ACIN1: variants seen among roughly 807,000 people sequenced by gnomAD.
ACIN1 encodes apoptotic chromatin condensation inducer 1, also known as apoptotic chromatin condensation inducer in the nucleus.
Under a neutral mutation model 146.6 loss-of-function variants are expected in ACIN1, and 16 were observed. The observed-to-expected ratio is 0.11, with a 90% CI of 0.07 to 0.17. The LOEUF (loss-of-function observed/expected upper bound fraction) is 0.17, where lower values mean the gene tolerates loss of function less well. Ranked by LOEUF, ACIN1 falls within the 10% of genes least tolerant of loss-of-function variation. The pLI is 1.00. For synonymous variants in ACIN1, 569 were observed against 582.7 expected (o/e 0.98, Z 0.34); for missense variants, 1,357 against 1,609.3 (o/e 0.84, Z 2.68).
chr14:23,061,269 G>C (rs767908253), intron 17 of ACIN1, 29 bp downstream of exon 17: 1 of 1,613,648 alleles, frequency 6.2e-7, no homozygotes, highest in Admixed American at 1.7e-5. Context: ...CTACTAGTGG[G>C]TATGCGTACC....
chr14:23,088,642 C>T (rs1486148069), intron 4 of ACIN1, among the ~76,000 whole-genome samples: 2 of 138,266 alleles, frequency 1.4e-5, no homozygotes, highest in Non-Finnish European at 3.2e-5. Flanking sequence ...TGGTGGATTC[C>T]GCATCCCCCT....
At chr14:23,089,071 C>T (rs10873083) in intron 4 of ACIN1, among the ~76,000 whole-genome samples, 61,040 of 151,940 alleles carry the variant, frequency 0.4, 12,263 homozygotes, top group Middle Eastern at 0.54. Context: ...GACACAGTCT[C>T]GCTCTATTGT....
chr14:23,060,009 G>A (rs1434715705), intron 18 of ACIN1, among the ~76,000 whole-genome samples: 2 of 143,956 alleles, frequency 1.4e-5, no homozygotes, highest in Non-Finnish European at 3.0e-5. Flanking sequence ...CCAGGCTGGA[G>A]TGCAGTGGTG....
rs931316036 is a variant in ACIN1, at chr14:23,069,010, C to T, written c.2265+466G>A. ...TGGCTTCTAAGTAGCTACATCTCTGCAGTCAGACCACTGGAGGGCAGAGGA... is the reference window on the plus strand; with the variant it reads ...TGGCTTCTAAGTAGCTACATCTCTGTAGTCAGACCACTGGAGGGCAGAGGA... On this transcript the variant is annotated intron_variant, in intron 9 of 18. Coordinates refer to ENST00000605057, the MANE Select transcript of ACIN1 (RefSeq NM_001386863.1). The T allele has an allele frequency of 8.1e-6, 8 of 985,912 alleles. No homozygotes were observed. In the African/African-American group the frequency reaches 1.2e-4, roughly 15 times the overall value. 61.1% of individuals were successfully genotyped at this position (985,912 alleles called of 1,614,324 possible). A position where few individuals can be genotyped will look rare whatever the true frequency, so the allele number is the denominator to read the frequency against.
At chr14:23,059,923 G>C (rs2047218826) in intron 18 of ACIN1, among the ~76,000 whole-genome samples, 1 of 150,470 alleles carries the variant, frequency 6.6e-6, no homozygotes, top group Admixed American at 6.6e-5. Flanking sequence ...CCAAAGTGCT[G>C]GGATTACAGG....
At chr14:23,084,362 A>G (rs1594779512) in intron 4 of ACIN1, among the ~76,000 whole-genome samples, 1 of 152,294 alleles carries the variant, frequency 6.6e-6, no homozygotes, top group Middle Eastern at 3.4e-3. Context: ...ATCTCAGCAC[A>G]TTGAGAGGCC....
Position 23,095,032 on chromosome 14 carries a change from C to T in ACIN1, c.81G>A (p.Glu27=), listed in dbSNP as rs780816409. The part of the protein sequence containing the change: ...LRVTDLKAAL[E]QRGLAKSGQK... The stretch of plus-strand genomic sequence containing the variant: ...GCCCGCTCTTGGCTAGGCCTCGCTG[C>T]TCCAGTGCGGCCTTCAGGTCGGTCA... The change falls in exon 1 of 19, where the codon GAG becomes GAA. Residue 27 remains glutamate, a synonymous_variant. Transcript: ENST00000605057. 7 of 1,612,846 alleles carry T rather than the reference C, an allele frequency of 4.3e-6. No individual in the cohort carries two copies. Among genetic ancestry groups the T allele is most frequent in the South Asian group, 3.3e-5 (3 of 91,084 alleles).
rs760709079 is a variant in ACIN1, at chr14:23,067,697, G to A, written c.2266-1689C>T. On this transcript the variant is annotated intron_variant, in intron 9 of 18. Transcript: ENST00000605057. The surrounding 1 kb of genome is among the most constrained non-coding windows in gnomAD (Gnocchi z 4.6). ...GCAGGAATGATCCTTGCCTTTTATC[G>A]TGAGAGGCAGGCAGGACCCTATGTC... The A allele has an allele frequency of 3.3e-5, 33 of 985,786 alleles. No individual in the cohort carries two copies. The highest frequency in any genetic ancestry group is 4.7e-5 in the South Asian group (1 of 21,294). 61.1% of individuals were successfully genotyped at this position (985,786 alleles called of 1,614,324 possible).
chr14:23,072,462 T>C (rs2047687828), intron 8 of ACIN1, among the ~76,000 whole-genome samples: 1 of 152,020 alleles, frequency 6.6e-6, no homozygotes, highest in African/African-American at 2.4e-5. Flanking sequence ...GCGGGGAAGA[T>C]CAGCTGGGCA....
chr14:23,093,796 T>C (rs944339645), intron 1 of ACIN1, among the ~76,000 whole-genome samples: 1 of 152,232 alleles, frequency 6.6e-6, no homozygotes, highest in Non-Finnish European at 1.5e-5. Context: ...ATCAGTGACC[T>C]GGCTATGTCA....
chr14:23,078,321 C>T, intron 7 of ACIN1, 55 bp from the exon 8 acceptor site: 1 of 1,530,752 alleles, frequency 6.5e-7, no homozygotes, highest in South Asian at 1.1e-5. Flanking sequence ...TGCTTGGTTC[C>T]TTTTCTTCTA....
chr14:23,063,486 A>C lies in ACIN1; in HGVS notation c.2687T>G (p.Val896Gly). 6.2e-7 allele frequency: 1 copy of C among 1,614,160 alleles called. No homozygotes were observed. Among genetic ancestry groups the C allele is most frequent in the Non-Finnish European group, 8.5e-7 (1 of 1,180,010 alleles). Residue 896 changes from valine (V) to glycine (G), a missense_variant, in exon 13 of 19, where the codon GTG becomes GGG. Val to Gly is a moderately radical substitution (Grantham distance 109). This residue lies in a region of ACIN1 where 509 missense variants were observed against 719.6 expected (regional missense o/e 0.71). Transcript: ENST00000605057. Reference sequence around the variant, plus strand: ...TGGGGGCAAGGCCACCTCTACTGACACCTGGGGAGGTACAGGAGGTTCTGC... The same window carrying C: ...TGGGGGCAAGGCCACCTCTACTGACCCCTGGGGAGGTACAGGAGGTTCTGC... ...PEAEPPVPPQ[V>G]SVEVALPPPA... is the part of the protein sequence containing the mutation.
At chr14:23,066,137 G>A (rs1026651986) in intron 9 of ACIN1, 129 bp from the exon 10 acceptor site, 5 of 701,480 alleles carry the variant, frequency 7.1e-6, no homozygotes, top group Non-Finnish European at 1.2e-5. Flanking sequence ...GAGAGAGACA[G>A]AGAGAGACAC....
At chr14:23,089,777 A>C (rs1180849898) in intron 4 of ACIN1, among the ~76,000 whole-genome samples, 1 of 152,228 alleles carries the variant, frequency 6.6e-6, no homozygotes, top group African/African-American at 2.4e-5. Flanking sequence ...CTGCTTCGTA[A>C]AACACTGAGA....
chr14:23,074,781 G>A lies in ACIN1; in HGVS notation c.2123+3370C>T, dbSNP rs146702676. ...AAGAAAAGGGTACAACTACTTGGAGGCTAATAATATCACATTACAACTCAT... is the reference window on the plus strand; with the variant it reads ...AAGAAAAGGGTACAACTACTTGGAGACTAATAATATCACATTACAACTCAT... On this transcript the variant is annotated intron_variant, in intron 8 of 18. Transcript: ENST00000605057. Among the ~76,000 whole-genome samples the A allele has an allele frequency of 1.8e-4, 28 of 152,254 alleles. 1 individual carries two copies. The highest frequency in any genetic ancestry group is 6.5e-4 in the African/African-American group (27 of 41,548).
At chr14:23,078,774 T>G (rs2047866181) in intron 7 of ACIN1, 46 bp downstream of exon 7, 1 of 1,572,580 alleles carries the variant, frequency 6.4e-7, no homozygotes, top group Non-Finnish European at 8.7e-7. Context: ...GGGAAGATCT[T>G]GCTTAATCCT....
intron 4 of ACIN1, among the ~76,000 whole-genome samples, chr14:23,087,463 G>T (rs1221831437): frequency 9.1e-6 from 1 of 110,494 alleles, no homozygotes. Flanking sequence ...TTTAACGTCT[G>T]GGGTTTTTTT....
rs971578665 is a variant in ACIN1 at position 23,070,838 on chromosome 14, AG to A, written c.2124-1222del. On this transcript the variant is annotated intron_variant, in intron 8 of 18. Coordinates refer to ENST00000605057, the MANE Select transcript of ACIN1 (RefSeq NM_001386863.1). ...GGGATGCACTAGGGGGGTTAGGGGGAGGGGAAAATCGGAACTGTGCCCCCAG... is the reference window on the plus strand; with the variant it reads ...GGGATGCACTAGGGGGGTTAGGGGGAGGGAAAATCGGAACTGTGCCCCCAG... Among the ~76,000 whole-genome samples the A allele has an allele frequency of 6.6e-5, 10 of 152,158 alleles. No homozygotes were observed. The East Asian group carries it at 1.7e-3, about 26-fold the overall frequency.
chr14:23,071,639 G>C, intron 8 of ACIN1: 483 of 1,226,640 alleles, frequency 3.9e-4, no homozygotes, highest in Non-Finnish European at 5.0e-4. Flanking sequence ...GAGGGAGGGA[G>C]CTGAGTGAGC....
Sources: gnomAD v4.1 joint callset for allele counts (sites outside exome capture counted in the v4.1 genomes callset) on GRCh38, gnomAD v4.1.1 for gene constraint, gnomAD v4.1.1 regional missense constraint, Gnocchi (gnomAD v3.1) non-coding constraint, MANE v1.5 for transcripts, NCBI Gene and HGNC (gene_info 2026-07-23, HGNC 2026-07-21) for gene names.